SIRPG: variants seen among roughly 807,000 people sequenced by gnomAD.
SIRPG encodes the protein signal regulatory protein gamma.
SIRPG carries 38 observed loss-of-function variants against 35.7 expected under a neutral mutation model. That is an observed-to-expected ratio of 1.06 (90% CI 0.82 to 1.40). The LOEUF is 1.40. SIRPG is among the 40% of genes most tolerant of loss of function. The probability of loss-of-function intolerance (pLI) is 0.00; values close to 1 mark genes in which losing one functional copy is unlikely to be tolerated. For missense variants in SIRPG, 519 were observed against 483.0 expected, an observed-to-expected ratio of 1.07 and a Z score of -0.70; for synonymous variants, 215 against 190.4, an observed-to-expected ratio of 1.13 and a Z score of -1.06.
At chr20:1,678,386 G>T in the SIRPG span, among the ~76,000 whole-genome samples, 1 of 152,010 alleles carries the variant, frequency 6.6e-6, no homozygotes, top group African/African-American at 2.4e-5. Context: ...GTAACAAAGA[G>T]AAATTATAAA....
chr20:1,673,050 T>G, the SIRPG span, among the ~76,000 whole-genome samples: 2 of 152,176 alleles, frequency 1.3e-5, no homozygotes, highest in African/African-American at 4.8e-5. Flanking sequence ...CTCCAAATTG[T>G]GAATTACTAC....
the SIRPG span, among the ~76,000 whole-genome samples, chr20:1,668,264 T>A: frequency 6.8e-6 from 1 of 146,428 alleles, no homozygotes; most frequent in Non-Finnish European, 1.5e-5. Context: ...TTTTTCTTTT[T>A]CTTTTCTTTC....
chr20:1,682,703 C>A, the SIRPG span, among the ~76,000 whole-genome samples: 1 of 152,140 alleles, frequency 6.6e-6, no homozygotes, highest in African/African-American at 2.4e-5. Flanking sequence ...ATACCACATA[C>A]AAAAATCAAC....
intron 3 of SIRPG, 32 bp from the exon 4 acceptor site, chr20:1,635,631 T>C: frequency 6.2e-7 from 1 of 1,604,516 alleles, no homozygotes; most frequent in African/African-American, 1.3e-5. Context: ...GCTCTGATCT[T>C]CTGGCACAGA....
chr20:1,639,556 T>A (rs892669866), intron 2 of SIRPG, among the ~76,000 whole-genome samples: 1 of 152,242 alleles, frequency 6.6e-6, no homozygotes, highest in Non-Finnish European at 1.5e-5. Context: ...AAAAATTTTC[T>A]CCCATTCTGT....
the SIRPG span, among the ~76,000 whole-genome samples, chr20:1,677,506 A>G: frequency 6.6e-6 from 1 of 152,194 alleles, no homozygotes; most frequent in Admixed American, 6.5e-5. Context: ...TGACAGTGAC[A>G]TGCAGAATCC....
rs185133781 is a variant in SIRPG at position 1,655,426 on chromosome 20, C to T, written c.73+2216G>A. ...TCTGCTAAGTGAAATAAGCCAGGCA[C>T]GGAAAGACAAACACTGTATGATTTC... On this transcript the variant is annotated intron_variant, in intron 1 of 5. Coordinates refer to ENST00000303415, the MANE Select transcript of SIRPG (RefSeq NM_018556.4). Among the ~76,000 whole-genome samples, 298 of 151,536 alleles carry T rather than the reference C, an allele frequency of 2.0e-3. 3 individuals carry two copies. Among genetic ancestry groups the T allele is most frequent in the Middle Eastern group, 0.01 (3 of 294 alleles).
chr20:1,674,786 C>T, the SIRPG span, among the ~76,000 whole-genome samples: 3 of 152,176 alleles, frequency 2.0e-5, no homozygotes, highest in African/African-American at 7.2e-5. Context: ...TTAGGGGTGC[C>T]TACAATGTGC....
the SIRPG span, among the ~76,000 whole-genome samples, chr20:1,680,950 T>C: frequency 6.6e-6 from 1 of 152,226 alleles, no homozygotes; most frequent in Non-Finnish European, 1.5e-5. Context: ...AAAGGGAAAC[T>C]ACTTTTTCTA....
chr20:1,684,137 AT>A, the SIRPG span, among the ~76,000 whole-genome samples: 3 of 152,184 alleles, frequency 2.0e-5, no homozygotes, highest in South Asian at 6.2e-4. Context: ...CATGAATTGT[AT>A]TGTTGAAAAT....
intron 3 of SIRPG, 33 bp downstream of exon 3, chr20:1,636,155 T>C (rs2091798283): frequency 1.2e-6 from 2 of 1,607,090 alleles, no homozygotes; most frequent in Non-Finnish European, 1.7e-6. Flanking sequence ...GACAGCCAGG[T>C]GTGGGCTTGG....
At chr20:1,669,696 C>T in the SIRPG span, among the ~76,000 whole-genome samples, 1 of 152,182 alleles carries the variant, frequency 6.6e-6, no homozygotes, top group Non-Finnish European at 1.5e-5. Flanking sequence ...CCCTGCATCT[C>T]TCTTCCTCCT....
the SIRPG span, chr20:1,671,085 T>C: frequency 7.0e-6 from 3 of 428,656 alleles, no homozygotes; most frequent in East Asian, 7.3e-5. Flanking sequence ...TTTTGGACCA[T>C]TTCAGGGTGG....
chr20:1,667,867 CT>C, the SIRPG span, among the ~76,000 whole-genome samples: 14 of 152,328 alleles, frequency 9.2e-5, no homozygotes, highest in African/African-American at 3.4e-4. Flanking sequence ...CTATAGATAG[CT>C]TTGCTTTAAT....
chr20:1,641,107 G>C (rs1353028207), intron 2 of SIRPG, among the ~76,000 whole-genome samples: 1 of 152,184 alleles, frequency 6.6e-6, no homozygotes, highest in Non-Finnish European at 1.5e-5. Context: ...TTGGCATCAG[G>C]ATGATGCTGG....
At chr20:1,677,959 G>A in the SIRPG span, among the ~76,000 whole-genome samples, 6 of 152,120 alleles carry the variant, frequency 3.9e-5, no homozygotes, top group African/African-American at 1.2e-4. Flanking sequence ...GAGTAACTGT[G>A]AGATGATGGA....
At chr20:1,675,166 C>T in the SIRPG span, among the ~76,000 whole-genome samples, 2 of 152,172 alleles carry the variant, frequency 1.3e-5, no homozygotes, top group South Asian at 4.1e-4. Flanking sequence ...TTACAGTGGC[C>T]CCACTCACCC....
chr20:1,651,032 A>C (rs1040992988), intron 1 of SIRPG, among the ~76,000 whole-genome samples: 2 of 152,202 alleles, frequency 1.3e-5, no homozygotes, highest in African/African-American at 4.8e-5. Context: ...CTTCAAACAC[A>C]AGGGAGAAAT....
chr20:1,652,758 A>G (rs763438319), intron 1 of SIRPG, among the ~76,000 whole-genome samples: 3 of 152,224 alleles, frequency 2.0e-5, no homozygotes, highest in Non-Finnish European at 4.4e-5. Context: ...ATCATTGTCA[A>G]AAATTAATTT....
Sources: gnomAD v4.1 joint callset for allele counts (sites outside exome capture counted in the v4.1 genomes callset) on GRCh38, gnomAD v4.1.1 for gene constraint, MANE v1.5 for transcripts, NCBI Gene and HGNC (gene_info 2026-07-23, HGNC 2026-07-21) for gene names.